DNAH9: variants seen among roughly 807,000 people sequenced by gnomAD.
DNAH9 encodes dynein axonemal heavy chain 9.
A neutral mutation model predicts 471.6 loss-of-function variants in DNAH9; 345 were observed. That is an observed-to-expected ratio of 0.73 (90% CI 0.67 to 0.80). The LOEUF is 0.80. DNAH9 is among the 30% of genes least tolerant of loss of function. The probability of loss-of-function intolerance (pLI) is 0.00; values close to 1 mark genes in which losing one functional copy is unlikely to be tolerated. For missense variants in DNAH9, 5,407 were observed against 5,609.2 expected (o/e 0.96, Z 1.15); for synonymous variants, 2,093 against 2,123.6 (o/e 0.99, Z 0.40).
At chr17:11,953,215 C>T (rs1045190095) in intron 67 of DNAH9, among the ~76,000 whole-genome samples, 4 of 152,238 alleles carry the variant, frequency 2.6e-5, no homozygotes, top group East Asian at 1.9e-4. Flanking sequence ...ACCTGTCCAC[C>T]CTGCAGCTGC....
Position 11,617,641 on chromosome 17 carries a change from C to G in DNAH9, c.1116+19C>G. On this transcript the variant is annotated intron_variant, in intron 5 of 68. Coordinates refer to ENST00000262442, the MANE Select transcript of DNAH9 (RefSeq NM_001372.4). ...CCAGCAGGTGGGCTGCCCTGGGATGCCCAGCAACTGCTCCCTGGGGGCTGG... is the reference window on the plus strand; with the variant it reads ...CCAGCAGGTGGGCTGCCCTGGGATGGCCAGCAACTGCTCCCTGGGGGCTGG... The G allele has an allele frequency of 6.3e-7, 1 of 1,590,084 alleles. No homozygotes were observed. The highest frequency in any genetic ancestry group is 8.6e-7 in the Non-Finnish European group (1 of 1,159,010).
chr17:11,960,701 G>A (rs1286278982), intron 67 of DNAH9, among the ~76,000 whole-genome samples: 14 of 151,978 alleles, frequency 9.2e-5, no homozygotes, highest in African/African-American at 3.4e-4. Context: ...GGAGGTTGCA[G>A]TGAGCAGAGA....
intron 20 of DNAH9, among the ~76,000 whole-genome samples, chr17:11,692,530 T>A (rs1461964181): frequency 2.6e-5 from 4 of 152,194 alleles, no homozygotes; most frequent in African/African-American, 4.8e-5. Context: ...TTATATAAAC[T>A]TTTGCAGGGG....
intron 38 of DNAH9, among the ~76,000 whole-genome samples, chr17:11,779,496 T>A (rs925603766): frequency 2.6e-5 from 4 of 152,176 alleles, no homozygotes; most frequent in Non-Finnish European, 5.9e-5. Flanking sequence ...CTGCCTGAGA[T>A]AATCCCGTGC....
intron 14 of DNAH9, among the ~76,000 whole-genome samples, chr17:11,662,778 C>T (rs1246406355): frequency 9.2e-5 from 7 of 76,372 alleles, no homozygotes; most frequent in Admixed American, 2.3e-4. Context: ...TTTTTTGAGA[C>T]GGAGTCTCGC....
At chr17:11,905,867 T>TG in intron 61 of DNAH9, 58 bp downstream of exon 61, 1 of 1,521,148 alleles carries the variant, frequency 6.6e-7, no homozygotes. Flanking sequence ...CTTTCATTCT[T>TG]GGGGTCTATT....
intron 41 of DNAH9, 45 bp downstream of exon 41, chr17:11,784,584 C>T: frequency 6.2e-7 from 1 of 1,612,024 alleles, no homozygotes; most frequent in African/African-American, 1.3e-5. Flanking sequence ...TAGTGATTAT[C>T]CAGATGCTCC....
chr17:11,643,969 C>T (rs943365753), intron 10 of DNAH9, among the ~76,000 whole-genome samples: 1 of 152,198 alleles, frequency 6.6e-6, no homozygotes, highest in Non-Finnish European at 1.5e-5. Context: ...GTGTAGGACA[C>T]TTACCATGAA....
chr17:11,634,158 CTCT>C (rs1396979493), intron 8 of DNAH9, among the ~76,000 whole-genome samples: 1 of 152,172 alleles, frequency 6.6e-6, no homozygotes, highest in Non-Finnish European at 1.5e-5. Context: ...CTGACCTTGA[CTCT>C]TCTTCTCAGC....
intron 39 of DNAH9, 119 bp downstream of exon 39, chr17:11,781,293 A>G: frequency 9.1e-7 from 1 of 1,103,680 alleles, no homozygotes; most frequent in Non-Finnish European, 1.2e-6. Flanking sequence ...CCAGATGGGA[A>G]TCTTTGTGGT....
At chr17:11,642,177 G>A (rs2073287133) in intron 10 of DNAH9, among the ~76,000 whole-genome samples, 2 of 152,112 alleles carry the variant, frequency 1.3e-5, no homozygotes, top group African/African-American at 4.8e-5. Context: ...GAGGCGATCT[G>A]GAAGGCACAC....
At chr17:11,762,770 G>GTTGTTGTTTTTTTTTTTTTTTTTTTTT (rs1967746481) in intron 35 of DNAH9, among the ~76,000 whole-genome samples, 2 of 90,794 alleles carry the variant, frequency 2.2e-5, no homozygotes, top group Middle Eastern at 7.1e-3. Context: ...TTTTTTTTTT[G>GTTGTTGTTTTTTTTTTTTTTTTTTTTT]TTTTTTTTTT....
chr17:11,881,131 G>GA (rs1445559885), intron 54 of DNAH9, 78 bp from the exon 55 acceptor site: 38 of 1,371,612 alleles, frequency 2.8e-5, no homozygotes, highest in African/African-American at 5.7e-5. Flanking sequence ...AATATTGTTT[G>GA]AAAAAAATCT....
chr17:11,747,511 T>C, intron 31 of DNAH9, 45 bp from the exon 32 acceptor site: 1 of 1,511,266 alleles, frequency 6.6e-7, no homozygotes, highest in Non-Finnish European at 9.2e-7. Flanking sequence ...GGGATGCAGG[T>C]GAGTCACAGG....
intron 14 of DNAH9, among the ~76,000 whole-genome samples, chr17:11,661,140 GATTA>G (rs1422758242): frequency 2.0e-5 from 3 of 148,140 alleles, no homozygotes; most frequent in Non-Finnish European, 2.9e-5. Flanking sequence ...ACAACTTCCT[GATTA>G]ATTGACCATT....
chr17:11,853,901 C>G, intron 49 of DNAH9, 102 bp from the exon 50 acceptor site: 1 of 1,104,372 alleles, frequency 9.1e-7, no homozygotes, highest in Non-Finnish European at 1.3e-6. Context: ...GGCTTCAAAG[C>G]AGCCCTTTCA....
At chr17:11,710,247 A>G (rs899662213) in intron 26 of DNAH9, among the ~76,000 whole-genome samples, 1 of 152,178 alleles carries the variant, frequency 6.6e-6, no homozygotes, top group Non-Finnish European at 1.5e-5. Context: ...ATTTATAAGT[A>G]TCCCATAATT....
chr17:11,793,519 C>T lies in DNAH9; in HGVS notation c.8078C>T (p.Ser2693Leu). The stretch of plus-strand genomic sequence containing the variant: ...CCCTTGAAGGGCATTCTCTTCTCCT[C>T]AGTGGAATGTGTGAAATCCACATGG... ...ANIFQGILFS[S>L]VECVKSTWDL... Residue 2693 changes from serine (S) to leucine (L), a missense_variant, in exon 42 of 69, where the codon TCA (serine) becomes TTA (leucine). Transcript: ENST00000262442. 6.2e-7 allele frequency: 1 copy of T among 1,612,498 alleles called. No individual in the cohort carries two copies. Among genetic ancestry groups the T allele is most frequent in the Non-Finnish European group, 8.5e-7 (1 of 1,179,604 alleles).
intron 48 of DNAH9, among the ~76,000 whole-genome samples, chr17:11,829,617 G>A (rs1269058646): frequency 6.6e-6 from 1 of 152,094 alleles, no homozygotes; most frequent in East Asian, 1.9e-4. Flanking sequence ...AACTACAGGT[G>A]CGTGCCACCG....
Sources: gnomAD v4.1 joint callset for allele counts (sites outside exome capture counted in the v4.1 genomes callset) on GRCh38, gnomAD v4.1.1 for gene constraint, MANE v1.5 for transcripts, NCBI Gene and HGNC (gene_info 2026-07-23, HGNC 2026-07-21) for gene names.